SYNDIG1: variants seen among roughly 807,000 people sequenced by gnomAD.
The protein encoded by SYNDIG1 is synapse differentiation inducing 1, also known as synapse differentiation-inducing gene protein 1.
SYNDIG1 carries 9 observed loss-of-function variants against 19.4 expected under a neutral mutation model. That is an observed-to-expected ratio of 0.46 (90% confidence interval 0.28 to 0.81). The LOEUF (loss-of-function observed/expected upper bound fraction) is 0.81. Ranked by LOEUF, SYNDIG1 falls within the 30% of genes least tolerant of loss-of-function variation. The pLI is 0.12. For synonymous variants in SYNDIG1, 141 were observed against 145.9 expected (o/e 0.97, Z 0.24); for missense variants, 311 against 343.3 (o/e 0.91, Z 0.74).
At chr20:24,574,081 C>T (rs1054794648) in intron 2 of SYNDIG1, among the ~76,000 whole-genome samples, 5 of 152,150 alleles carry the variant, frequency 3.3e-5, no homozygotes, top group Non-Finnish European at 5.9e-5. Flanking sequence ...CCTCCAGGCT[C>T]CCACTTCTCT....
chr20:24,521,018 CTG>C (rs762259204), intron 1 of SYNDIG1, among the ~76,000 whole-genome samples: 9 of 152,178 alleles, frequency 5.9e-5, no homozygotes, highest in Non-Finnish European at 1.3e-4. Flanking sequence ...TGTGTTCTGT[CTG>C]TGAGTGTGAC....
intron 1 of SYNDIG1, among the ~76,000 whole-genome samples, chr20:24,505,130 T>C (rs2056555996): frequency 1.3e-5 from 2 of 152,096 alleles, no homozygotes; most frequent in Non-Finnish European, 2.9e-5. Context: ...GTGTCCAGCT[T>C]GCTAGCTGAG....
At chr20:24,632,813 A>T (rs2059263628) in intron 3 of SYNDIG1, among the ~76,000 whole-genome samples, 1 of 152,250 alleles carries the variant, frequency 6.6e-6, no homozygotes, top group South Asian at 2.1e-4. Flanking sequence ...AGGGAAGGCC[A>T]TCGGGGCTTC....
chr20:24,505,981 G>A (rs185524192), intron 1 of SYNDIG1, among the ~76,000 whole-genome samples: 9 of 152,332 alleles, frequency 5.9e-5, no homozygotes, highest in East Asian at 5.8e-4. Flanking sequence ...AACTGGTCCA[G>A]AACATAGGTG....
chr20:24,569,841 G>A (rs2058111945), intron 2 of SYNDIG1, among the ~76,000 whole-genome samples: 2 of 152,274 alleles, frequency 1.3e-5, no homozygotes, highest in Middle Eastern at 3.4e-3. Context: ...ACAGGTGCAC[G>A]AATAATGATA....
intron 3 of SYNDIG1, among the ~76,000 whole-genome samples, chr20:24,663,744 C>T (rs998924069): frequency 6.6e-6 from 1 of 152,344 alleles, no homozygotes; most frequent in African/African-American, 2.4e-5. Context: ...GCCCAGTCAG[C>T]TGTAGCAGCT....
At chr20:24,544,410 G>A (rs1040912828) in intron 2 of SYNDIG1, among the ~76,000 whole-genome samples, 5 of 152,200 alleles carry the variant, frequency 3.3e-5, no homozygotes, top group Admixed American at 3.3e-4. Context: ...GTTTGGTGGG[G>A]AAGGAAACCG....
chr20:24,582,267 C>CCACTG (rs2058340003), intron 2 of SYNDIG1, among the ~76,000 whole-genome samples: 2 of 117,186 alleles, frequency 1.7e-5, no homozygotes, highest in Non-Finnish European at 3.5e-5. Context: ...CACATACTTC[C>CCACTG]CACTGCACGG....
At position 24,586,861 on chromosome 20, in the gene SYNDIG1, G is replaced by C. The variant is rs564014441; in HGVS notation, c.618+1868G>C. ...TGGTGTCCGTGGTCTCTGCTGCTCC[G>C]TGTGTTCAGATTGAAGCCCCAGTCT... On this transcript the variant is annotated intron_variant, in intron 3 of 3. Transcript: ENST00000376862. 5.3e-5 allele frequency among the ~76,000 whole-genome samples: 8 copies of C among 152,352 alleles called. No individual in the cohort carries two copies. The East Asian group carries it at 1.3e-3, about 26-fold the overall frequency.
At chr20:24,604,729 CGTTCTTTTATTCCTTTACTTTTTT>C (rs916378649) in intron 3 of SYNDIG1, among the ~76,000 whole-genome samples, 2 of 152,074 alleles carry the variant, frequency 1.3e-5, no homozygotes, top group Non-Finnish European at 2.9e-5. Flanking sequence ...GTGGAGTAGC[CGTTCTTTTATTCCTTTACTTTTTT>C]AATAAACTTG....
intron 3 of SYNDIG1, among the ~76,000 whole-genome samples, chr20:24,619,295 C>T (rs1316447122): frequency 1.3e-5 from 2 of 152,224 alleles, no homozygotes; most frequent in Admixed American, 1.3e-4. Flanking sequence ...AGTGTGTCCA[C>T]ATAAGCTCCT....
chr20:24,558,267 A>T (rs2057866605), intron 2 of SYNDIG1, among the ~76,000 whole-genome samples: 1 of 152,204 alleles, frequency 6.6e-6, no homozygotes, highest in African/African-American at 2.4e-5. Context: ...TATCCAAAAA[A>T]AATTGTCTAC....
intron 1 of SYNDIG1, among the ~76,000 whole-genome samples, chr20:24,494,776 C>T (rs927801321): frequency 1.3e-5 from 2 of 152,186 alleles, no homozygotes; most frequent in East Asian, 1.9e-4. Context: ...GGACCTCAGA[C>T]GTGACAGGCA....
At chr20:24,594,405 C>T (rs1313751378) in intron 3 of SYNDIG1, among the ~76,000 whole-genome samples, 1 of 152,066 alleles carries the variant, frequency 6.6e-6, no homozygotes, top group Non-Finnish European at 1.5e-5. Flanking sequence ...TGTACTAATA[C>T]CATGCTGTTT....
rs557519753 is a variant in SYNDIG1, at chr20:24,589,490, G to A, written c.618+4497G>A. Among the ~76,000 whole-genome samples the A allele has an allele frequency of 6.6e-5, 10 of 152,330 alleles. No individual in the cohort carries two copies. In the South Asian group the frequency reaches 2.1e-3, roughly 32 times the overall value. On this transcript the variant is annotated intron_variant, in intron 3 of 3. Coordinates refer to ENST00000376862, the MANE Select transcript of SYNDIG1 (RefSeq NM_024893.3). Reference sequence around the variant, plus strand: ...CTGCTTGGAAAGGCTTGCAGGGGAGGAAAGCCTGTCTGAGCATGGTGTGGC... The same window carrying A: ...CTGCTTGGAAAGGCTTGCAGGGGAGAAAAGCCTGTCTGAGCATGGTGTGGC...
intron 3 of SYNDIG1, among the ~76,000 whole-genome samples, chr20:24,605,100 C>G (rs1403542475): frequency 6.6e-6 from 1 of 151,992 alleles, no homozygotes; most frequent in African/African-American, 2.4e-5. Context: ...TGCTGGGGTC[C>G]AGGAGAAAGT....
chr20:24,614,955 G>A (rs191017966), intron 3 of SYNDIG1, among the ~76,000 whole-genome samples: 9 of 152,290 alleles, frequency 5.9e-5, no homozygotes, highest in East Asian at 1.9e-4. Context: ...TTAAAGCAGC[G>A]TTATTGCTTT....
At chr20:24,548,485 T>G (rs942021432) in intron 2 of SYNDIG1, among the ~76,000 whole-genome samples, 2 of 152,022 alleles carry the variant, frequency 1.3e-5, no homozygotes, top group Non-Finnish European at 2.9e-5. Flanking sequence ...ACCTCAGTCA[T>G]AAGTATGGAA....
chr20:24,603,061 A>C (rs1275382434), intron 3 of SYNDIG1, among the ~76,000 whole-genome samples: 3 of 152,148 alleles, frequency 2.0e-5, no homozygotes, highest in Admixed American at 2.0e-4. Flanking sequence ...TAAAGAAACA[A>C]TCTTTATTTA....
Sources: gnomAD v4.1 joint callset for allele counts (sites outside exome capture counted in the v4.1 genomes callset) on GRCh38, gnomAD v4.1.1 for gene constraint, MANE v1.5 for transcripts, NCBI Gene and HGNC (gene_info 2026-07-23, HGNC 2026-07-21) for gene names.